Variants in CCHCR1 observed in about 807,000 individuals in gnomAD.
CCHCR1 encodes the protein HCR (a-helix coiled-coil rod homologue).
CCHCR1 carries 91 observed loss-of-function variants against 114.6 expected under a neutral mutation model. The observed-to-expected ratio is 0.79, with a 90% confidence interval of 0.67 to 0.94. The LOEUF (loss-of-function observed/expected upper bound fraction) is 0.94. Among genes scored for constraint, CCHCR1 ranks in the 40% least tolerant of loss-of-function variants. The pLI is 0.00. For missense variants in CCHCR1, 899 were observed against 1,079.9 expected (o/e 0.83, Z 2.35); for synonymous variants, 379 against 428.5 (o/e 0.88, Z 1.43).
chr6:31,143,765 T>C lies in CCHCR1; in HGVS notation c.2168-352A>G, dbSNP rs1378703569. Among the ~76,000 whole-genome samples, 1 of 152,214 alleles carries C rather than the reference T, an allele frequency of 6.6e-6. No homozygotes were observed. Among genetic ancestry groups the C allele is most frequent in the Non-Finnish European group, 1.5e-5 (1 of 68,036 alleles). On this transcript the variant is annotated intron_variant, in intron 15 of 17. Transcript: ENST00000396268. This position sits in a 1 kb window ranked among gnomAD's most constrained non-coding sequence, Gnocchi z 5.3. ...CTTTGGGAGATGCGGCTGAACAACT[T>C]ATGTTTACAACTTACTTAGGCGTGG... is the stretch of plus-strand genomic sequence containing the variant.
At position 31,144,615 on chromosome 6, in the gene CCHCR1, G is replaced by A. The variant is rs775560276; in HGVS notation, c.2167+72C>T. On this transcript the variant is annotated intron_variant, in intron 15 of 17. Transcript: ENST00000396268. This position sits in a 1 kb window ranked among gnomAD's most constrained non-coding sequence, Gnocchi z 4.6. ...AATGAAGCTTTGAACACACTTTGAG[G>A]GGAAAATAATAACCTTATGTCTTAA... 4 of 954,888 alleles carry A rather than the reference G, an allele frequency of 4.2e-6. No homozygotes were observed. Among genetic ancestry groups the A allele is most frequent in the Non-Finnish European group, 6.4e-6 (4 of 620,314 alleles). 59.2% of individuals were successfully genotyped at this position (954,888 alleles called of 1,614,324 possible).
rs1442173076 is a variant in CCHCR1, at chr6:31,154,867, A to G, written c.498-68T>C. 2.8e-6 allele frequency: 4 copies of G among 1,413,076 alleles called. No individual in the cohort carries two copies. Among genetic ancestry groups the G allele is most frequent in the Non-Finnish European group, 3.8e-6 (4 of 1,057,292 alleles). 87.5% of individuals were successfully genotyped at this position (1,413,076 alleles called of 1,614,324 possible). On this transcript the variant is annotated intron_variant, in intron 3 of 17. Transcript: ENST00000396268. This position sits in a 1 kb window ranked among gnomAD's most constrained non-coding sequence, Gnocchi z 4.1. Reference sequence around the variant, plus strand: ...TGGAAGGATAGTTGAGGGCATAAACATAGCCAGGAGAAGGAAAAGAGGACC... The same window carrying G: ...TGGAAGGATAGTTGAGGGCATAAACGTAGCCAGGAGAAGGAAAAGAGGACC...
At position 31,149,999 on chromosome 6, in the gene CCHCR1, G is replaced by A. The variant is rs887733657; in HGVS notation, c.1362+67C>T. The A allele has an allele frequency of 8.9e-6, 14 of 1,565,070 alleles. No individual in the cohort carries two copies. The South Asian group carries it at 1.1e-4, about 13-fold the overall frequency. Reference sequence around the variant, plus strand: ...CCACTCAATAAACACTGGTTGAATGGATGCCACCTTCATGGAAGGAGCAAG... The same window carrying A: ...CCACTCAATAAACACTGGTTGAATGAATGCCACCTTCATGGAAGGAGCAAG... On this transcript the variant is annotated intron_variant, in intron 8 of 17. Coordinates refer to ENST00000396268, the MANE Select transcript of CCHCR1 (RefSeq NM_001105564.2).
At position 31,150,761 on chromosome 6, in the gene CCHCR1, C is replaced by T. The variant is rs1349207979; in HGVS notation, c.1065G>A (p.Trp355Ter). ...QVPSEVHSQTWELERQKLLET... is the reference protein window; with the variant it reads ...QVPSEVHSQT ...CCAGAAGCTTCTGTCGCTCCAGTTC[C>T]CATGTCTGGCTGTGGACCTCAGAAG... Residue 355 changes from tryptophan (W) to a stop codon, truncating the protein, a stop_gained, in exon 6 of 18, where the codon TGG (tryptophan) becomes TGA (stop). Transcript: ENST00000396268. LOFTEE classifies it high-confidence loss of function. This position sits in a 1 kb window ranked among gnomAD's most constrained non-coding sequence, Gnocchi z 5.3. The T allele has an allele frequency of 8.7e-6, 14 of 1,612,958 alleles. No homozygotes were observed. The Admixed American group carries it at 2.0e-4, about 23-fold the overall frequency.
intron 10 of CCHCR1, among the ~76,000 whole-genome samples, chr6:31,147,506 G>A (rs997049254): frequency 1.3e-5 from 2 of 151,754 alleles, no homozygotes; most frequent in Non-Finnish European, 1.5e-5. Context: ...TTTTCTTAGA[G>A]GTTTTTCTGA....
chr6:31,152,354 T>G (rs1422192273), intron 4 of CCHCR1, among the ~76,000 whole-genome samples: 1 of 152,134 alleles, frequency 6.6e-6, no homozygotes, highest in Non-Finnish European at 1.5e-5. Flanking sequence ...GTTTGTTTTT[T>G]TGGAGATGGA....
chr6:31,142,743 C>T, intron 17 of CCHCR1, 27 bp from the exon 18 acceptor site: 1 of 1,595,868 alleles, frequency 6.3e-7, no homozygotes, highest in South Asian at 1.1e-5. Flanking sequence ...CAGATGAGCA[C>T]CAGACAAGGG....
chr6:31,149,781 T>G, intron 8 of CCHCR1: 1 of 373,882 alleles, frequency 2.7e-6, no homozygotes, highest in Non-Finnish European at 4.9e-6. Flanking sequence ...GGCAGGTGAA[T>G]CACCTGAGGT....
Position 31,150,113 on chromosome 6 carries a change from C to A in CCHCR1, c.1315G>T (p.Ala439Ser), listed in dbSNP as rs1476524030. The part of the protein sequence containing the change: ...KVFALMVQLK[A>S]QELEHSDSVK... ...GAGTCACTGTGTTCCAGCTCCTGGG[C>A]CTTTAGCTGCACCATGAGGGCAAAC... Residue 439 changes from alanine to serine, a missense_variant, in exon 8 of 18, where the codon GCC (alanine) becomes TCC (serine). Ala to Ser is a moderately conservative substitution (Grantham distance 99). Transcript: ENST00000396268. The surrounding 1 kb of genome is among the most constrained non-coding windows in gnomAD (Gnocchi z 5.3). 2.5e-6 allele frequency: 4 copies of A among 1,614,174 alleles called. No homozygotes were observed. Among genetic ancestry groups the A allele is most frequent in the Middle Eastern group, 3.3e-4 (2 of 6,062 alleles).
At chr6:31,148,768 TA>T (rs1372060176) in intron 8 of CCHCR1, 40 bp from the exon 9 acceptor site, 4 of 1,161,362 alleles carry the variant, frequency 3.4e-6, no homozygotes, top group Non-Finnish European at 5.0e-6. Context: ...CCTCTAGAGC[TA>T]AAAGATGAGG....
In CCHCR1 at chr6:31,154,751, C is replaced by T. The variant is rs746322135; in HGVS notation, c.546G>A (p.Val182=). The change falls in exon 4 of 18, where the codon GTG becomes GTA. Residue 182 remains valine, a synonymous_variant. Coordinates refer to ENST00000396268, the MANE Select transcript of CCHCR1 (RefSeq NM_001105564.2). This position sits in a 1 kb window ranked among gnomAD's most constrained non-coding sequence, Gnocchi z 4.1. The part of the protein sequence containing the change: ...GSQALSQQAE[V]IVRQLQELRR... ...GCAGCTCTTGCAGCTGCCGAACGAT[C>T]ACCTCAGCCTGCTGGCTCAGGGCCT... 1 of 1,606,862 alleles carries T rather than the reference C, an allele frequency of 6.2e-7. No individual in the cohort carries two copies. The highest frequency in any genetic ancestry group is 1.1e-5 in the South Asian group (1 of 91,046).
At position 31,150,838 on chromosome 6, in the gene CCHCR1, C is replaced by A; in HGVS notation, c.988G>T (p.Ala330Ser). The A allele has an allele frequency of 6.2e-7, 1 of 1,612,948 alleles. No homozygotes were observed. The highest frequency in any genetic ancestry group is 8.5e-7 in the Non-Finnish European group (1 of 1,179,934). ...QLSKTQEDLE[A>S]QVTLVENLRK... ...AGATTCTCAACCAGGGTCACCTGAG[C>A]CTCCAAGTCTTCCTGGGTCTTGCTA... Residue 330 changes from alanine to serine, a missense_variant, in exon 6 of 18, where the codon GCT (alanine) becomes TCT (serine). By Grantham distance (99) the Ala-to-Ser change is moderately conservative. Transcript: ENST00000396268. This position sits in a 1 kb window ranked among gnomAD's most constrained non-coding sequence, Gnocchi z 5.3.
At position 31,144,773 on chromosome 6, in the gene CCHCR1, A is replaced by G. The variant is rs887194050; in HGVS notation, c.2081T>C (p.Val694Ala). The change falls in exon 15 of 18, where the codon GTG becomes GCG. Residue 694 changes from valine (V) to alanine (A), a missense_variant. Physicochemically the swap from Val to Ala is moderately conservative, Grantham distance 64 (BLOSUM62 0). Transcript: ENST00000396268. This position sits in a 1 kb window ranked among gnomAD's most constrained non-coding sequence, Gnocchi z 4.6. Reference protein sequence around the residue: ...ELYGQALQEKVAEVETRLREQ... With the variant: ...ELYGQALQEKAAEVETRLREQ... ...CCGCAGCCGAGTTTCCACTTCAGCC[A>G]CCTTTTCTTGCAGGGCTGGGGTGAA... 1.9e-6 allele frequency: 3 copies of G among 1,613,634 alleles called. No homozygotes were observed. In the African/African-American group the frequency reaches 4.0e-5, roughly 22 times the overall value.
chr6:31,154,913 G>A lies in CCHCR1; in HGVS notation c.498-114C>T. The A allele has an allele frequency of 1.1e-6, 1 of 934,594 alleles. No individual in the cohort carries two copies. Among genetic ancestry groups the A allele is most frequent in the South Asian group, 1.8e-5 (1 of 56,846 alleles). 57.9% of individuals were successfully genotyped at this position (934,594 alleles called of 1,614,324 possible). A position where few individuals can be genotyped will look rare whatever the true frequency, so the allele number is the denominator to read the frequency against. ...GGACCCCTCTGCTTCCGTGTGGGGA[G>A]GTGAAGGGGGTGCTGAAGCTGGGGT... On this transcript the variant is annotated intron_variant, in intron 3 of 17. Coordinates refer to ENST00000396268, the MANE Select transcript of CCHCR1 (RefSeq NM_001105564.2). The surrounding 1 kb of genome is among the most constrained non-coding windows in gnomAD (Gnocchi z 4.1).
Position 31,147,824 on chromosome 6 carries a change from G to A in CCHCR1, c.1580+581C>T, listed in dbSNP as rs548843237. Among the ~76,000 whole-genome samples the A allele has an allele frequency of 5.9e-5, 9 of 152,012 alleles. No individual in the cohort carries two copies. The East Asian group carries it at 9.7e-4, about 16-fold the overall frequency. Reference sequence around the variant, plus strand: ...CCTACTAAAAATGCAAAAATTAGCCGGGTGTAGTGGAGGACACTGGTGGAG... The same window carrying A: ...CCTACTAAAAATGCAAAAATTAGCCAGGTGTAGTGGAGGACACTGGTGGAG... On this transcript the variant is annotated intron_variant, in intron 10 of 17. Transcript: ENST00000396268.
Position 31,152,226 on chromosome 6 carries a change from G to A in CCHCR1, c.802-1104C>T, listed in dbSNP as rs527984872. Among the ~76,000 whole-genome samples, 35 of 147,038 alleles carry A rather than the reference G, an allele frequency of 2.4e-4. 2 individuals carry two copies. The South Asian group carries it at 6.5e-3, about 27-fold the overall frequency. On this transcript the variant is annotated intron_variant, in intron 4 of 17. Transcript: ENST00000396268. ...GAACCCGGGAGGCGGAGCTGGCAGTGAGCCAAGATCGCGCCACTGCACTCC... is the reference window on the plus strand; with the variant it reads ...GAACCCGGGAGGCGGAGCTGGCAGTAAGCCAAGATCGCGCCACTGCACTCC...
Position 31,150,885 on chromosome 6 carries a change from A to G in CCHCR1, c.966-25T>C. ...GCTAGGGTTGGGGTGGGAATGGGAC[A>G]GCCATCAGTGGGGCGCCCTGCAGAT... On this transcript the variant is annotated intron_variant, in intron 5 of 17. Transcript: ENST00000396268. The surrounding 1 kb of genome is among the most constrained non-coding windows in gnomAD (Gnocchi z 5.3). 1 of 1,612,004 alleles carries G rather than the reference A, an allele frequency of 6.2e-7. No individual in the cohort carries two copies. The highest frequency in any genetic ancestry group is 8.5e-7 in the Non-Finnish European group (1 of 1,179,428).
In CCHCR1 at chr6:31,142,567, G is replaced by A. The variant is rs1277245400; in HGVS notation, c.*25C>T. On this transcript the variant is annotated 3_prime_UTR_variant, in exon 18 of 18. Coordinates refer to ENST00000396268, the MANE Select transcript of CCHCR1 (RefSeq NM_001105564.2). ...CCAGGATCCTCCCAGCCCCCAGGCT[G>A]GCTTTCCCTCCAACTGTCAGCTGCT... The A allele has an allele frequency of 6.2e-7, 1 of 1,602,750 alleles. No homozygotes were observed. Among genetic ancestry groups the A allele is most frequent in the Non-Finnish European group, 8.5e-7 (1 of 1,172,900 alleles).
At chr6:31,147,685 G>A (rs1366184602) in intron 10 of CCHCR1, among the ~76,000 whole-genome samples, 1 of 152,132 alleles carries the variant, frequency 6.6e-6, no homozygotes, top group African/African-American at 2.4e-5. Context: ...AAATAGACTA[G>A]GCCAGGTGCA....
Sources: gnomAD v4.1 joint callset for allele counts (sites outside exome capture counted in the v4.1 genomes callset) on GRCh38, gnomAD v4.1.1 for gene constraint, Gnocchi (gnomAD v3.1) non-coding constraint, MANE v1.5 for transcripts, NCBI Gene and HGNC (gene_info 2026-07-23, HGNC 2026-07-21) for gene names.